Variants in ZNF567 observed in about 807,000 individuals in gnomAD.
The protein encoded by ZNF567 is zinc finger protein 567.
Under a neutral mutation model 53.9 loss-of-function variants are expected in ZNF567, and 36 were observed. The ratio of observed to expected loss-of-function variants is 0.67; its 90% CI spans 0.51 to 0.88. The LOEUF (loss-of-function observed/expected upper bound fraction) is 0.88. ZNF567 is among the 40% of genes least tolerant of loss of function. ZNF567 has a pLI of 0.00. For missense variants in ZNF567, 619 were observed against 764.7 expected (o/e 0.81, Z 2.25); for synonymous variants, 224 against 260.4 (o/e 0.86, Z 1.35).
At chr19:36,707,750 GTATGT>G (rs141409615) in intron 3 of ZNF567, among the ~76,000 whole-genome samples, 1,945 of 152,090 alleles carry the variant, frequency 0.013, 45 homozygotes, top group African/African-American at 0.044. Context: ...GCTAATTTTT[GTATGT>G]TTAGTGGAGA....
At chr19:36,712,727 A>G in intron 4 of ZNF567, 54 bp from the exon 5 acceptor site, 1 of 1,553,548 alleles carries the variant, frequency 6.4e-7, no homozygotes, top group African/African-American at 1.4e-5. Flanking sequence ...CCCTTTCCTC[A>G]TTTTTCAGTG....
chr19:36,695,719 A>G (rs922808262), intron 3 of ZNF567, among the ~76,000 whole-genome samples: 15 of 151,864 alleles, frequency 9.9e-5, no homozygotes, highest in African/African-American at 3.6e-4. Flanking sequence ...AATAGTGGAT[A>G]TATCATTCAC....
At chr19:36,698,074 C>G (rs868741394) in intron 3 of ZNF567, among the ~76,000 whole-genome samples, 15 of 152,080 alleles carry the variant, frequency 9.9e-5, no homozygotes, top group African/African-American at 3.4e-4. Flanking sequence ...TCCCTCCCCC[C>G]TCTCCCCACC....
chr19:36,713,582 C>G (rs915880502), intron 5 of ZNF567, among the ~76,000 whole-genome samples: 1 of 152,180 alleles, frequency 6.6e-6, no homozygotes, highest in Non-Finnish European at 1.5e-5. Flanking sequence ...TACACACCAG[C>G]CTGGGCTACA....
In ZNF567 at chr19:36,720,205, A is replaced by G; in HGVS notation, c.1481A>G (p.Asp494Gly). The change falls in exon 6 of 6, where the codon GAT (aspartate) becomes GGT (glycine). Residue 494 changes from aspartate to glycine, a missense_variant. Physicochemically the swap from Asp to Gly is moderately conservative, Grantham distance 94. Coordinates refer to ENST00000682579, the MANE Select transcript of ZNF567 (RefSeq NM_001322917.1). ...TTTAGAATGAAGTCATACCTCATTG[A>G]TCATCACCGAACTCACACAGGAGAG... The part of the protein sequence containing the change: ...KAFRMKSYLI[D>G]HHRTHTGEKP... 6.2e-7 allele frequency: 1 copy of G among 1,613,836 alleles called. No homozygotes were observed. Among genetic ancestry groups the G allele is most frequent in the Non-Finnish European group, 8.5e-7 (1 of 1,179,942 alleles).
chr19:36,717,792 G>A (rs939813781), intron 5 of ZNF567, among the ~76,000 whole-genome samples: 1 of 152,168 alleles, frequency 6.6e-6, no homozygotes, highest in African/African-American at 2.4e-5. Flanking sequence ...TCTACCATTT[G>A]AAATTGGTAT....
At chr19:36,712,759 A>T (rs1426531011) in intron 4 of ZNF567, 22 bp from the exon 5 acceptor site, 1 of 1,603,372 alleles carries the variant, frequency 6.2e-7, no homozygotes, top group African/African-American at 1.4e-5. Context: ...CAATCAACTT[A>T]AGTCTTTTTT....
At chr19:36,713,493 C>T (rs2039891701) in intron 5 of ZNF567, among the ~76,000 whole-genome samples, 1 of 151,766 alleles carries the variant, frequency 6.6e-6, no homozygotes, top group South Asian at 2.1e-4. Flanking sequence ...ACCTGTGGTT[C>T]CAGCTACTCA....
intron 3 of ZNF567, among the ~76,000 whole-genome samples, chr19:36,704,956 TGTTCA>T (rs2039417027): frequency 6.6e-6 from 1 of 152,232 alleles, no homozygotes; most frequent in African/African-American, 2.4e-5. Flanking sequence ...TCTAGGAATT[TGTTCA>T]GTTCATCTAA....
chr19:36,724,143 A>C (rs182909307), downstream of ZNF567, among the ~76,000 whole-genome samples: 142 of 148,512 alleles, frequency 9.6e-4, no homozygotes, highest in Non-Finnish European at 1.6e-3. Flanking sequence ...AGTAGCTGGG[A>C]TTACAGGCAT....
Sources: gnomAD v4.1 joint callset for allele counts (sites outside exome capture counted in the v4.1 genomes callset) on GRCh38, gnomAD v4.1.1 for gene constraint, MANE v1.5 for transcripts, NCBI Gene and HGNC (gene_info 2026-07-23, HGNC 2026-07-21) for gene names.